KMO: variants seen among roughly 807,000 people sequenced by gnomAD.
KMO encodes kynurenine 3-hydroxylase.
KMO carries 24 observed loss-of-function variants against 57.8 expected under a neutral mutation model. That is an observed-to-expected ratio of 0.42 (90% CI 0.30 to 0.58). The LOEUF is 0.58. Ranked by LOEUF, KMO falls within the 20% of genes least tolerant of loss-of-function variation. The probability of loss-of-function intolerance (pLI) is 0.22; values close to 1 mark genes in which losing one functional copy is unlikely to be tolerated. For missense variants in KMO, 483 were observed against 588.2 expected, an observed-to-expected ratio of 0.82 and a Z score of 1.85; for synonymous variants, 210 against 193.6, an observed-to-expected ratio of 1.08 and a Z score of -0.70.
chr1:241,570,737 T>C (rs1662247883), intron 10 of KMO, among the ~76,000 whole-genome samples: 1 of 152,130 alleles, frequency 6.6e-6, no homozygotes, highest in Admixed American at 6.5e-5. Flanking sequence ...GTTTTGTTCT[T>C]TTTGCTCAGG....
In KMO at chr1:241,566,535, T is replaced by A. The variant is rs1205638817; in HGVS notation, c.732T>A (p.Phe244Leu). Residue 244 changes from phenylalanine to leucine, a missense_variant, in exon 9 of 15, where the codon TTT becomes TTA. Around this residue, in one of 3 missense-constraint regions of KMO, gnomAD observed 410 missense variants for 492.3 expected, o/e 0.83. Transcript: ENST00000366559. ...TCTLFMPFEEFEKLLTSNDVV... is the reference protein window; with the variant it reads ...TCTLFMPFEELEKLLTSNDVV... ...CTTTGTTCATGCCCTTTGAAGAGTT[T>A]GAAAAACTTCTAACCAGTAATGATG... The A allele has an allele frequency of 6.2e-7, 1 of 1,613,778 alleles. No homozygotes were observed. The highest frequency in any genetic ancestry group is 8.5e-7 in the Non-Finnish European group (1 of 1,179,704).
At chr1:241,535,528 T>C (rs1347134664) in intron 1 of KMO, among the ~76,000 whole-genome samples, 2 of 152,200 alleles carry the variant, frequency 1.3e-5, no homozygotes, top group Admixed American at 6.5e-5. Context: ...TTAAACCAGT[T>C]GATTTCCTTT....
At position 241,594,488 on chromosome 1, in the gene KMO, A is replaced by G; in HGVS notation, c.*2335A>G. 5.0e-6 allele frequency: 8 copies of G among 1,614,104 alleles called. No individual in the cohort carries two copies. Among genetic ancestry groups the G allele is most frequent in the Non-Finnish European group, 6.8e-6 (8 of 1,179,954 alleles). ...ACCCATTGGTTTTGTCGCTGTCGTC[A>G]ACTGACAGTGATTCATCACTGGTGA... On this transcript the variant is annotated 3_prime_UTR_variant, in exon 15 of 15. Coordinates refer to ENST00000366559, the MANE Select transcript of KMO (RefSeq NM_003679.5).
intron 10 of KMO, among the ~76,000 whole-genome samples, chr1:241,581,129 A>T (rs567880313): frequency 6.6e-6 from 1 of 152,120 alleles, no homozygotes; most frequent in Non-Finnish European, 1.5e-5. Context: ...ATTTTGTCTC[A>T]TATAAGTATA....
chr1:241,562,263 CT>C lies in KMO; in HGVS notation c.549del (p.Phe183LeufsTer15). 6.2e-7 allele frequency: 1 copy of C among 1,614,160 alleles called. No homozygotes were observed. Among genetic ancestry groups the C allele is most frequent in the Non-Finnish European group, 8.5e-7 (1 of 1,179,984 alleles). On this transcript the variant is annotated frameshift_variant, in exon 7 of 15. Coordinates refer to ENST00000366559, the MANE Select transcript of KMO (RefSeq NM_003679.5). LOFTEE classifies it high-confidence loss of function. ...GATCTCACCTGATGAAGAAACCTCG[CT>C]TTGATTACAGTCAGCAGTACATTCC... The part of the protein sequence containing the change: ...VRSHLMKKPR[F>X]DYSQQYIPHG...
rs1053406672 is a variant in KMO, at chr1:241,593,341, T to C, written c.*1188T>C. ...AAAGCACATTTAGTGAAATGTTTTC[T>C]TTGGTTCATCCTTCTTTAACAGGCT... On this transcript the variant is annotated 3_prime_UTR_variant, in exon 15 of 15. Transcript: ENST00000366559. 9 of 430,170 alleles carry C rather than the reference T, an allele frequency of 2.1e-5. No homozygotes were observed. The highest frequency in any genetic ancestry group is 1.8e-4 in the African/African-American group (9 of 49,862). 26.6% of individuals were successfully genotyped at this position (430,170 alleles called of 1,614,324 possible). A position where few individuals can be genotyped will look rare whatever the true frequency, so the allele number is the denominator to read the frequency against.
chr1:241,586,229 C>T (rs1168553771), intron 10 of KMO, among the ~76,000 whole-genome samples: 5 of 122,028 alleles, frequency 4.1e-5, no homozygotes, highest in African/African-American at 1.3e-4. Flanking sequence ...GACAGGGTCT[C>T]GCTCTGTCAC....
intron 10 of KMO, among the ~76,000 whole-genome samples, chr1:241,578,441 G>C (rs1022207332): frequency 4.6e-5 from 7 of 152,124 alleles, no homozygotes; most frequent in African/African-American, 1.7e-4. Flanking sequence ...AGGAGTCCCT[G>C]AGAGCTAGAC....
At chr1:241,590,171 A>C in intron 13 of KMO, 33 bp from the exon 14 acceptor site, 9 of 1,610,168 alleles carry the variant, frequency 5.6e-6, no homozygotes, top group Non-Finnish European at 7.6e-6. Context: ...CTGTTAAAGA[A>C]TACACAAGAA....
At chr1:241,568,357 A>G (rs1662156033) in intron 9 of KMO, 143 bp from the exon 10 acceptor site, 1 of 752,556 alleles carries the variant, frequency 1.3e-6, no homozygotes, top group African/African-American at 1.8e-5. Context: ...GAAAAACTTC[A>G]GTTTTTCCCT....
At chr1:241,572,621 G>C (rs1469333818) in intron 10 of KMO, among the ~76,000 whole-genome samples, 1 of 151,798 alleles carries the variant, frequency 6.6e-6, no homozygotes, top group Non-Finnish European at 1.5e-5. Flanking sequence ...TTCCTATTGA[G>C]ATTATTTTCT....
At position 241,592,470 on chromosome 1, in the gene KMO, T is replaced by A; in HGVS notation, c.*317T>A. 3.1e-6 allele frequency: 1 copy of A among 319,388 alleles called. No homozygotes were observed. Among genetic ancestry groups the A allele is most frequent in the East Asian group, 7.7e-5 (1 of 13,016 alleles). 19.8% of individuals were successfully genotyped at this position (319,388 alleles called of 1,614,324 possible). A position where few individuals can be genotyped will look rare whatever the true frequency, so the allele number is the denominator to read the frequency against. On this transcript the variant is annotated 3_prime_UTR_variant, in exon 15 of 15. Coordinates refer to ENST00000366559, the MANE Select transcript of KMO (RefSeq NM_003679.5). ...CCTCAGGGAAGACAGTAATCATGCC[T>A]TTTCTTTAAAAGACACAATAGGACT...
At chr1:241,557,684 C>T (rs1045708201) in intron 5 of KMO, among the ~76,000 whole-genome samples, 19 of 152,220 alleles carry the variant, frequency 1.2e-4, no homozygotes, top group Non-Finnish European at 2.1e-4. Context: ...ATGAACCAGC[C>T]GGGTGCGGTG....
intron 10 of KMO, among the ~76,000 whole-genome samples, chr1:241,577,353 G>A (rs1277619896): frequency 6.6e-6 from 1 of 150,840 alleles, no homozygotes; most frequent in African/African-American, 2.4e-5. Flanking sequence ...TTCTAATTTG[G>A]GTAGGCTATT....
At chr1:241,586,438 G>A (rs964756265) in intron 10 of KMO, 6 of 413,116 alleles carry the variant, frequency 1.5e-5, no homozygotes, top group Non-Finnish European at 1.8e-5. Flanking sequence ...GAGCTCAAGC[G>A]ATCCGCTCAC....
rs775123441 is a variant in KMO at position 241,543,782 on chromosome 1, G to GCC, written c.55-5045_55-5044dup. Among the ~76,000 whole-genome samples the GCC allele has an allele frequency of 3.3e-5, 5 of 152,032 alleles. No homozygotes were observed. In the East Asian group the frequency reaches 9.6e-4, roughly 29 times the overall value. On this transcript the variant is annotated intron_variant, in intron 1 of 14. Coordinates refer to ENST00000366559, the MANE Select transcript of KMO (RefSeq NM_003679.5). ...CCTAAGTTAGATTTAATCTTAATGT[G>GCC]CCCACACTACCCGAGATCCCTTATT...
At chr1:241,554,768 C>T (rs960629266) in intron 4 of KMO, among the ~76,000 whole-genome samples, 5 of 147,824 alleles carry the variant, frequency 3.4e-5, no homozygotes, top group Admixed American at 1.4e-4. Context: ...GTTAGAAGTT[C>T]GAGACCAGGC....
intron 1 of KMO, among the ~76,000 whole-genome samples, chr1:241,542,441 A>T (rs562697540): frequency 6.6e-6 from 1 of 152,366 alleles, no homozygotes; most frequent in Non-Finnish European, 1.5e-5. Context: ...GTAACCAAGG[A>T]ATGTCCTCAA....
At chr1:241,538,932 A>G (rs67439618) in intron 1 of KMO, among the ~76,000 whole-genome samples, 3,744 of 152,130 alleles carry the variant, frequency 0.025, 66 homozygotes, top group Middle Eastern at 0.1. Flanking sequence ...CTCTCAGATT[A>G]TTTCCCTTCT....
Sources: gnomAD v4.1 joint callset for allele counts (sites outside exome capture counted in the v4.1 genomes callset) on GRCh38, gnomAD v4.1.1 for gene constraint, gnomAD v4.1.1 regional missense constraint, MANE v1.5 for transcripts, NCBI Gene and HGNC (gene_info 2026-07-23, HGNC 2026-07-21) for gene names.